Variants in RAP1GAP2 observed in about 807,000 individuals in gnomAD.
The protein encoded by RAP1GAP2 is rap1 GTPase-activating protein 2.
A neutral mutation model predicts 95.0 loss-of-function variants in RAP1GAP2; 27 were observed. That is an observed-to-expected ratio of 0.28 (90% CI 0.21 to 0.39). The LOEUF (loss-of-function observed/expected upper bound fraction) is 0.39, where lower values mean the gene tolerates loss of function less well. RAP1GAP2 is among the 10% of genes least tolerant of loss of function. RAP1GAP2 has a pLI of 1.00. For synonymous variants in RAP1GAP2, 373 were observed against 380.9 expected, an observed-to-expected ratio of 0.98 and a Z score of 0.24; for missense variants, 771 against 970.0, an observed-to-expected ratio of 0.79 and a Z score of 2.72.
At chr17:2,918,190 C>T (rs2042630479) in intron 3 of RAP1GAP2, among the ~76,000 whole-genome samples, 2 of 151,946 alleles carry the variant, frequency 1.3e-5, no homozygotes, top group Non-Finnish European at 2.9e-5. Context: ...AATCCCAGCA[C>T]TTTGGAAGGC....
chr17:2,919,948 G>A (rs1232028661), intron 3 of RAP1GAP2, among the ~76,000 whole-genome samples: 10 of 151,686 alleles, frequency 6.6e-5, no homozygotes, highest in East Asian at 1.9e-4. Context: ...TGATCCGCCC[G>A]CCTCGGCCTC....
intron 2 of RAP1GAP2, among the ~76,000 whole-genome samples, chr17:2,854,803 C>A (rs1166594235): frequency 6.6e-6 from 1 of 152,176 alleles, no homozygotes; most frequent in East Asian, 1.9e-4. Context: ...CCACCAGACC[C>A]CAAGGAGCTA....
chr17:3,019,872 AC>A (rs57598623), intron 18 of RAP1GAP2, among the ~76,000 whole-genome samples: 18 of 152,044 alleles, frequency 1.2e-4, no homozygotes, highest in Admixed American at 3.3e-4. Context: ...CCCTCCTCAA[AC>A]CCCCACCACT....
chr17:2,854,189 G>A, intron 2 of RAP1GAP2: 3 of 973,006 alleles, frequency 3.1e-6, no homozygotes, highest in Non-Finnish European at 3.7e-6. Context: ...ATGGGTGTTT[G>A]GTTCCGTGTT....
intron 1 of RAP1GAP2, among the ~76,000 whole-genome samples, chr17:2,782,431 G>A (rs897098570): frequency 2.6e-5 from 4 of 152,136 alleles, no homozygotes; most frequent in Admixed American, 1.3e-4. Flanking sequence ...CACCTGACCC[G>A]CCCTCAGTGG....
intron 17 of RAP1GAP2, among the ~76,000 whole-genome samples, chr17:3,013,306 G>A (rs1263093853): frequency 1.3e-5 from 2 of 152,210 alleles, no homozygotes; most frequent in Admixed American, 6.5e-5. Flanking sequence ...GGTCTTTGGC[G>A]TCTTTGCCCC....
chr17:3,002,875 G>A (rs12946968), intron 14 of RAP1GAP2, among the ~76,000 whole-genome samples: 7,651 of 152,188 alleles, frequency 0.05, 253 homozygotes, highest in Non-Finnish European at 0.076. Context: ...GACATCCTGC[G>A]GGAGGGAAGG....
At chr17:2,982,240 G>A (rs977038446) in intron 10 of RAP1GAP2, among the ~76,000 whole-genome samples, 1 of 152,222 alleles carries the variant, frequency 6.6e-6, no homozygotes, top group African/African-American at 2.4e-5. Flanking sequence ...CCTGGTTGAA[G>A]CGATTCTCCT....
intron 1 of RAP1GAP2, among the ~76,000 whole-genome samples, chr17:2,783,466 G>T (rs1421316367): frequency 6.6e-6 from 1 of 152,204 alleles, no homozygotes; most frequent in Non-Finnish European, 1.5e-5. Flanking sequence ...ATGAATGAAT[G>T]AATTAATGAA....
At chr17:2,865,411 G>A (rs1174265842) in intron 2 of RAP1GAP2, among the ~76,000 whole-genome samples, 1 of 152,176 alleles carries the variant, frequency 6.6e-6, no homozygotes, top group Non-Finnish European at 1.5e-5. Context: ...AGCAGGGAAA[G>A]GTCTGTCCTG....
At chr17:2,877,232 C>T (rs2073132264) in intron 2 of RAP1GAP2, among the ~76,000 whole-genome samples, 1 of 152,168 alleles carries the variant, frequency 6.6e-6, no homozygotes, top group Non-Finnish European at 1.5e-5. Flanking sequence ...TCAGCATGCT[C>T]TGTTGCTGCC....
rs2071110292 is a variant in RAP1GAP2 at position 2,836,011 on chromosome 17, G to A, written c.80+35461G>A. ...CCGCCCCCAGCCAGCCACTGGCGGG[G>A]TGTGTTGGTGCATCTGGCACTGGCG... On this transcript the variant is annotated intron_variant, in intron 2 of 24. Transcript: ENST00000254695. Among the ~76,000 whole-genome samples the A allele has an allele frequency of 2.0e-5, 3 of 151,816 alleles. No homozygotes were observed. The South Asian group carries it at 6.2e-4, about 32-fold the overall frequency.
At chr17:3,017,273 A>G (rs1431750993) in intron 17 of RAP1GAP2, among the ~76,000 whole-genome samples, 2 of 151,584 alleles carry the variant, frequency 1.3e-5, no homozygotes, top group Non-Finnish European at 2.9e-5. Flanking sequence ...TGGGTACTTC[A>G]CCATTTGCCA....
intron 3 of RAP1GAP2, among the ~76,000 whole-genome samples, chr17:2,945,417 C>T (rs550143872): frequency 3.3e-5 from 5 of 152,214 alleles, no homozygotes; most frequent in South Asian, 4.1e-4. Flanking sequence ...TGTGTTGGAA[C>T]GTCTCATCTG....
chr17:2,809,552 G>A (rs1302974589), intron 2 of RAP1GAP2, among the ~76,000 whole-genome samples: 1 of 152,126 alleles, frequency 6.6e-6, no homozygotes, highest in Non-Finnish European at 1.5e-5. Context: ...GAACCCCCAG[G>A]CCTCTGGCCA....
At chr17:2,948,707 C>T (rs2043800620) in intron 3 of RAP1GAP2, among the ~76,000 whole-genome samples, 1 of 134,952 alleles carries the variant, frequency 7.4e-6, no homozygotes, top group Admixed American at 7.8e-5. Context: ...AGAAGGGGTC[C>T]TGGACTCGGG....
At chr17:2,859,378 T>A (rs1270789100) in intron 2 of RAP1GAP2, among the ~76,000 whole-genome samples, 7 of 151,944 alleles carry the variant, frequency 4.6e-5, no homozygotes, top group African/African-American at 1.7e-4. Flanking sequence ...CCCAAAGTGC[T>A]GGAATTATAG....
chr17:2,840,523 T>A (rs1249589441), intron 2 of RAP1GAP2, among the ~76,000 whole-genome samples: 2 of 152,130 alleles, frequency 1.3e-5, no homozygotes, highest in Non-Finnish European at 1.5e-5. Flanking sequence ...CAGGGCATTA[T>A]ATTTTCTTTC....
chr17:2,836,452 T>C (rs2071134378), intron 2 of RAP1GAP2, among the ~76,000 whole-genome samples: 2 of 151,994 alleles, frequency 1.3e-5, no homozygotes, highest in Admixed American at 1.3e-4. Context: ...ACCAACATGG[T>C]GAGACCCCAT....
Sources: allele counts gnomAD v4.1 joint callset (sites outside exome capture counted in the v4.1 genomes callset), GRCh38; gene constraint gnomAD v4.1.1; transcripts MANE v1.5; gene names NCBI Gene and HGNC (gene_info 2026-07-23, HGNC 2026-07-21).